COL27A1: variants seen among roughly 807,000 people sequenced by gnomAD.
COL27A1 encodes the protein collagen type XXVII alpha 1 chain, also known as collagen alpha-1(XXVII) chain.
A neutral mutation model predicts 251.3 loss-of-function variants in COL27A1; 106 were observed. The observed-to-expected ratio is 0.42, with a 90% CI of 0.36 to 0.50. The LOEUF is 0.50. Among genes scored for constraint, COL27A1 ranks in the 20% least tolerant of loss-of-function variants. COL27A1 has a pLI of 0.00. For synonymous variants in COL27A1, 1,000 were observed against 986.3 expected, an observed-to-expected ratio of 1.01 and a Z score of -0.26; for missense variants, 2,325 against 2,522.8, an observed-to-expected ratio of 0.92 and a Z score of 1.68.
In COL27A1 at chr9:114,205,683, A is replaced by C. The variant is rs939815833; in HGVS notation, c.2170-76A>C. 20 of 1,315,034 alleles carry C rather than the reference A, an allele frequency of 1.5e-5. No individual in the cohort carries two copies. The African/African-American group carries it at 2.3e-4, about 15-fold the overall frequency. 81.5% of individuals were successfully genotyped at this position (1,315,034 alleles called of 1,614,324 possible). On this transcript the variant is annotated intron_variant, in intron 8 of 60. Transcript: ENST00000356083. The stretch of plus-strand genomic sequence containing the variant: ...CCTCTCTTTATTCATTGTCAGCCCC[A>C]GTCTCCCAGGGTCCCCCAGACCCAG...
intron 2 of COL27A1, among the ~76,000 whole-genome samples, chr9:114,166,999 A>G (rs1008943337): frequency 6.6e-6 from 1 of 152,084 alleles, no homozygotes; most frequent in Non-Finnish European, 1.5e-5. Context: ...GTAGCCTGCT[A>G]GAGACACCTC....
chr9:114,247,423 C>G (rs1833218837), intron 24 of COL27A1, among the ~76,000 whole-genome samples: 1 of 152,168 alleles, frequency 6.6e-6, no homozygotes, highest in Non-Finnish European at 1.5e-5. Flanking sequence ...TAATTTTTTT[C>G]CATTCAAGTT....
intron 21 of COL27A1, among the ~76,000 whole-genome samples, chr9:114,241,211 G>GC (rs1832730729): frequency 6.6e-6 from 1 of 152,268 alleles, no homozygotes; most frequent in South Asian, 2.1e-4. Flanking sequence ...GCCATTCTTA[G>GC]CCTTCCCATG....
chr9:114,260,674 G>A (rs1033032646), intron 28 of COL27A1, among the ~76,000 whole-genome samples: 1 of 152,090 alleles, frequency 6.6e-6, no homozygotes, highest in African/African-American at 2.4e-5. Context: ...CAGGGGCAAG[G>A]GAGGCTCTCA....
At position 114,205,152 on chromosome 9, in the gene COL27A1, G is replaced by A; in HGVS notation, c.2169+6G>A. On this transcript the variant is annotated splice_donor_region_variant and intron_variant, in intron 8 of 60. Transcript: ENST00000356083. Reference sequence around the variant, plus strand: ...CAGGGCACCCCGGAGAACAGGTGAGGGCCTCAGCCTCAGCCCTGCCCTGGT... The same window carrying A: ...CAGGGCACCCCGGAGAACAGGTGAGAGCCTCAGCCTCAGCCCTGCCCTGGT... 6.2e-7 allele frequency: 1 copy of A among 1,612,822 alleles called. No individual in the cohort carries two copies. Among genetic ancestry groups the A allele is most frequent in the Non-Finnish European group, 8.5e-7 (1 of 1,179,794 alleles).
chr9:114,262,832 T>C (rs751249705), intron 28 of COL27A1, among the ~76,000 whole-genome samples: 1 of 152,172 alleles, frequency 6.6e-6, no homozygotes, highest in Non-Finnish European at 1.5e-5. Context: ...AGTGGGGTGC[T>C]CTTTAAGGCT....
At chr9:114,156,445 G>C (rs1417454621) in intron 1 of COL27A1, among the ~76,000 whole-genome samples, 1 of 152,082 alleles carries the variant, frequency 6.6e-6, no homozygotes, top group African/African-American at 2.4e-5. Context: ...CTGTTCTTGT[G>C]AAATTGTCCG....
At chr9:114,240,150 T>C in intron 19 of COL27A1, 70 bp from the exon 20 acceptor site, 3 of 1,388,682 alleles carry the variant, frequency 2.2e-6, no homozygotes, top group Middle Eastern at 1.8e-4. Context: ...TCAGTCTCCC[T>C]GCAAGACGCA....
At chr9:114,303,534 C>T (rs559753850) in intron 56 of COL27A1, among the ~76,000 whole-genome samples, 7 of 152,210 alleles carry the variant, frequency 4.6e-5, no homozygotes, top group Admixed American at 1.3e-4. Flanking sequence ...CCACCGTGGC[C>T]GGGCTACAGG....
Position 114,237,002 on chromosome 9 carries a change from T to A in COL27A1, c.2641T>A (p.Phe881Ile). The stretch of plus-strand genomic sequence containing the variant: ...CCAGGGGAGCCAGGGGTTGCCAGGG[T>A]TCCCCGGTGCACGGGGGAAGCCAGG... ...GDKGSQGLPG[F>I]PGARGKPGPL... The change falls in exon 18 of 61, where the codon TTC becomes ATC. Residue 881 changes from phenylalanine to isoleucine, a missense_variant. Around this residue, in one of 4 missense-constraint regions of COL27A1, gnomAD observed 662 missense variants for 795.3 expected, o/e 0.83. Coordinates refer to ENST00000356083, the MANE Select transcript of COL27A1 (RefSeq NM_032888.4). The A allele has an allele frequency of 6.2e-7, 1 of 1,612,632 alleles. No homozygotes were observed. Among genetic ancestry groups the A allele is most frequent in the Admixed American group, 1.7e-5 (1 of 59,812 alleles).
At chr9:114,176,680 C>T (rs1223026884) in intron 3 of COL27A1, among the ~76,000 whole-genome samples, 1 of 152,138 alleles carries the variant, frequency 6.6e-6, no homozygotes, top group African/African-American at 2.4e-5. Flanking sequence ...CTCTACCCAC[C>T]CCTGGAACTC....
chr9:114,274,450 G>A (rs1835353859), intron 36 of COL27A1, among the ~76,000 whole-genome samples: 1 of 152,204 alleles, frequency 6.6e-6, no homozygotes, highest in Non-Finnish European at 1.5e-5. Flanking sequence ...TTCCTCTTCT[G>A]TAAAATGGGA....
chr9:114,194,570 G>A (rs1015532412), intron 6 of COL27A1, 113 bp downstream of exon 6: 3 of 937,968 alleles, frequency 3.2e-6, no homozygotes, highest in African/African-American at 3.3e-5. Context: ...AAGGCAGGGA[G>A]GTGGGAACAT....
chr9:114,184,057 G>A (rs962096768), intron 5 of COL27A1, among the ~76,000 whole-genome samples: 13 of 152,162 alleles, frequency 8.5e-5, no homozygotes, highest in Non-Finnish European at 8.8e-5. Flanking sequence ...AGAGATAGGA[G>A]GGGAAGGAAG....
rs538719994 is a variant in COL27A1, at chr9:114,160,901, G to A, written c.63-1814G>A. 4.6e-5 allele frequency among the ~76,000 whole-genome samples: 7 copies of A among 152,308 alleles called. No homozygotes were observed. In the South Asian group the frequency reaches 1.2e-3, roughly 27 times the overall value. ...AGTGTCTACATGATGGGAGTAGCATGTGCAAAAGCCCAGAGCTGGAGAAGG... is the reference window on the plus strand; with the variant it reads ...AGTGTCTACATGATGGGAGTAGCATATGCAAAAGCCCAGAGCTGGAGAAGG... On this transcript the variant is annotated intron_variant, in intron 1 of 60. Transcript: ENST00000356083.
chr9:114,210,928 T>G, intron 11 of COL27A1, 54 bp from the exon 12 acceptor site: 1 of 1,598,834 alleles, frequency 6.3e-7, no homozygotes, highest in Non-Finnish European at 8.6e-7. Context: ...GGGGCAAGCC[T>G]GGCTGTCCCT....
In COL27A1 at chr9:114,155,911, C is replaced by G. The variant is rs968079545; in HGVS notation, c.-40C>G. 8.3e-7 allele frequency: 1 copy of G among 1,205,688 alleles called. No homozygotes were observed. Among genetic ancestry groups the G allele is most frequent in the African/African-American group, 1.6e-5 (1 of 63,422 alleles). The allele number at this position is 1,205,688 out of a possible 1,614,324, so 74.7% of individuals were successfully genotyped here. A position where few individuals can be genotyped will look rare whatever the true frequency, so the allele number is the denominator to read the frequency against. On this transcript the variant is annotated 5_prime_UTR_variant, in exon 1 of 61. Coordinates refer to ENST00000356083, the MANE Select transcript of COL27A1 (RefSeq NM_032888.4). The surrounding 1 kb of genome is among the most constrained non-coding windows in gnomAD (Gnocchi z 5.5). ...GGCGGCCCCATGGGGCGCGCCCACA[C>G]TTGCCCCCCGGGCTCGGGAGCATGA... is the stretch of plus-strand genomic sequence containing the variant.
chr9:114,250,302 C>T (rs1428274639), intron 24 of COL27A1, among the ~76,000 whole-genome samples: 1 of 152,228 alleles, frequency 6.6e-6, no homozygotes, highest in South Asian at 2.1e-4. Context: ...TAAGCCACCC[C>T]CCGCCCAACC....
chr9:114,296,467 G>A (rs1828265222), intron 49 of COL27A1, among the ~76,000 whole-genome samples: 1 of 152,178 alleles, frequency 6.6e-6, no homozygotes, highest in African/African-American at 2.4e-5. Flanking sequence ...AATATCATTA[G>A]TCATTAGACA....
Sources: allele counts gnomAD v4.1 joint callset (sites outside exome capture counted in the v4.1 genomes callset), GRCh38; gene constraint gnomAD v4.1.1; regional missense constraint gnomAD v4.1.1; non-coding constraint Gnocchi (gnomAD v3.1); transcripts MANE v1.5; gene names NCBI Gene and HGNC (gene_info 2026-07-23, HGNC 2026-07-21).